Variants in UNC5D observed in about 807,000 individuals in gnomAD.
The protein encoded by UNC5D is unc-5 netrin receptor D.
In UNC5D, 39 loss-of-function variants were observed where a neutral mutation model predicts 105.4. The ratio of observed to expected loss-of-function variants is 0.37; its 90% CI spans 0.29 to 0.48. The LOEUF is 0.48. UNC5D is among the 20% of genes least tolerant of loss of function. The pLI is 0.98. For synonymous variants in UNC5D, 452 were observed against 450.4 expected (o/e 1.00, Z -0.04); for missense variants, 991 against 1,202.4 (o/e 0.82, Z 2.60).
At chr8:35,263,553 C>T (rs1051177496) in intron 1 of UNC5D, among the ~76,000 whole-genome samples, 2 of 152,120 alleles carry the variant, frequency 1.3e-5, no homozygotes, top group African/African-American at 2.4e-5. Context: ...TGCCACTGCA[C>T]CTGACTAAAT....
intron 1 of UNC5D, among the ~76,000 whole-genome samples, chr8:35,511,824 G>A (rs1019337143): frequency 3.3e-5 from 5 of 152,104 alleles, no homozygotes; most frequent in Non-Finnish European, 5.9e-5. Flanking sequence ...GCTGCATGTA[G>A]CCACATGGAG....
rs569570785 is a variant in UNC5D, at chr8:35,294,070, G to A, written c.103+58183G>A. Reference sequence around the variant, plus strand: ...AGCATCAATGAAATAAATCCAAGAGGATTTTTGTTGTCCAGGCCTTCTTGT... The same window carrying A: ...AGCATCAATGAAATAAATCCAAGAGAATTTTTGTTGTCCAGGCCTTCTTGT... On this transcript the variant is annotated intron_variant, in intron 1 of 16. Transcript: ENST00000404895. Among the ~76,000 whole-genome samples the A allele has an allele frequency of 5.9e-4, 90 of 152,288 alleles. 4 individuals carry two copies. In the South Asian group the frequency reaches 0.018, roughly 30 times the overall value.
At chr8:35,689,175 A>G (rs540675592) in intron 7 of UNC5D, among the ~76,000 whole-genome samples, 1 of 152,352 alleles carries the variant, frequency 6.6e-6, no homozygotes, top group South Asian at 2.1e-4. Flanking sequence ...TCAGGCTTCA[A>G]TCTTAATTGA....
At chr8:35,727,740 A>G (rs1270523039) in intron 10 of UNC5D, 1 of 152,154 alleles carries the variant, frequency 6.6e-6, no homozygotes, top group Non-Finnish European at 1.5e-5. Flanking sequence ...CATGGTAAGG[A>G]TCTTTGTTCA....
intron 7 of UNC5D, among the ~76,000 whole-genome samples, chr8:35,698,108 T>C (rs1586466399): frequency 1.3e-5 from 2 of 152,256 alleles, no homozygotes; most frequent in South Asian, 2.1e-4. Flanking sequence ...TACAACTTTA[T>C]TGAGGTATAC....
chr8:35,294,092 T>A (rs1807283780), intron 1 of UNC5D, among the ~76,000 whole-genome samples: 2 of 152,232 alleles, frequency 1.3e-5, no homozygotes, highest in Admixed American at 1.3e-4. Context: ...CCAGGCCTTC[T>A]TGTTATGTAA....
intron 1 of UNC5D, among the ~76,000 whole-genome samples, chr8:35,450,414 T>A (rs1808068724): frequency 6.6e-6 from 1 of 152,174 alleles, no homozygotes; most frequent in Non-Finnish European, 1.5e-5. Context: ...TTACTTTTTA[T>A]CTATTCATAA....
intron 1 of UNC5D, among the ~76,000 whole-genome samples, chr8:35,266,917 G>T (rs1216477402): frequency 6.6e-6 from 1 of 152,114 alleles, no homozygotes; most frequent in Non-Finnish European, 1.5e-5. Context: ...CAAGTAGACA[G>T]AAGACAGAAT....
intron 1 of UNC5D, among the ~76,000 whole-genome samples, chr8:35,507,500 G>C (rs2589348): frequency 0.46 from 69,793 of 151,868 alleles, 20,215 homozygotes; most frequent in African/African-American, 0.82. Context: ...ACAACACAGC[G>C]TGGTGGATAG....
intron 1 of UNC5D, among the ~76,000 whole-genome samples, chr8:35,413,261 G>GTT (rs1805294789): frequency 1.0e-4 from 2 of 19,388 alleles, no homozygotes; most frequent in African/African-American, 2.1e-4. Flanking sequence ...GCGGGTCTGT[G>GTT]TGTGTGTGTG....
At chr8:35,602,014 T>C (rs529584171) in intron 4 of UNC5D, among the ~76,000 whole-genome samples, 18 of 152,350 alleles carry the variant, frequency 1.2e-4, no homozygotes, top group Admixed American at 3.3e-4. Flanking sequence ...TGAAGGGTTA[T>C]TGAATTTTGT....
At chr8:35,554,667 C>G (rs953062403) in intron 2 of UNC5D, among the ~76,000 whole-genome samples, 2 of 152,164 alleles carry the variant, frequency 1.3e-5, no homozygotes, top group Non-Finnish European at 1.5e-5. Context: ...CTGTGGGGAG[C>G]TGGAGTTATC....
chr8:35,411,621 C>T lies in UNC5D; in HGVS notation c.104-137671C>T, dbSNP rs148834539. Among the ~76,000 whole-genome samples, 397 of 152,080 alleles carry T rather than the reference C, an allele frequency of 2.6e-3. 2 individuals carry two copies. Among genetic ancestry groups the T allele is most frequent in the African/African-American group, 8.9e-3 (371 of 41,522 alleles). ...TGAATATCACCTATTTAAAGATGTC[C>T]ACCCTGGCCATCTTACCTGTAAACC... On this transcript the variant is annotated intron_variant, in intron 1 of 16. Transcript: ENST00000404895.
At chr8:35,374,454 T>A (rs1177615801) in intron 1 of UNC5D, among the ~76,000 whole-genome samples, 1 of 152,224 alleles carries the variant, frequency 6.6e-6, no homozygotes, top group African/African-American at 2.4e-5. Context: ...AATGTACAGA[T>A]TAAAGCATGT....
intron 14 of UNC5D, among the ~76,000 whole-genome samples, chr8:35,763,971 A>C (rs1801658018): frequency 6.6e-6 from 1 of 152,162 alleles, no homozygotes; most frequent in Non-Finnish European, 1.5e-5. Context: ...TTAGAGGTAA[A>C]AAAGAGACCA....
chr8:35,263,345 G>A (rs541985846), intron 1 of UNC5D, among the ~76,000 whole-genome samples: 1 of 152,276 alleles, frequency 6.6e-6, no homozygotes, highest in East Asian at 1.9e-4. Context: ...TTGAGAGACT[G>A]CGTTTTAGTC....
chr8:35,340,721 T>A (rs1160618438), intron 1 of UNC5D, among the ~76,000 whole-genome samples: 2 of 152,142 alleles, frequency 1.3e-5, no homozygotes, highest in Non-Finnish European at 2.9e-5. Context: ...CAGGCACTCT[T>A]ACTTGAGGAC....
chr8:35,676,723 GT>G (rs911347316), intron 4 of UNC5D, among the ~76,000 whole-genome samples: 7 of 152,158 alleles, frequency 4.6e-5, no homozygotes, highest in African/African-American at 1.7e-4. Flanking sequence ...AGAGTGGGCA[GT>G]AGCACATATG....
At chr8:35,747,108 G>T (rs868734243) in intron 11 of UNC5D, among the ~76,000 whole-genome samples, 14 of 152,298 alleles carry the variant, frequency 9.2e-5, no homozygotes, top group South Asian at 6.2e-4. Flanking sequence ...GGTTACTTTT[G>T]TGGAAGACTG....
Sources: allele counts gnomAD v4.1 joint callset (sites outside exome capture counted in the v4.1 genomes callset), GRCh38; gene constraint gnomAD v4.1.1; transcripts MANE v1.5; gene names NCBI Gene and HGNC (gene_info 2026-07-23, HGNC 2026-07-21).